Variants in TMEM87B observed in about 807,000 individuals in gnomAD.
TMEM87B encodes transmembrane protein 87B.
In TMEM87B, 83 loss-of-function variants were observed where a neutral mutation model predicts 80.3. The observed-to-expected ratio is 1.03, with a 90% CI of 0.87 to 1.24. TMEM87B has a LOEUF of 1.24. Ranked by LOEUF, TMEM87B falls within the 50% of genes most tolerant of loss-of-function variation. The pLI, the probability that TMEM87B is intolerant of heterozygous loss-of-function variation, is 0.00. For missense variants in TMEM87B, 625 were observed against 674.4 expected (o/e 0.93, Z 0.81); for synonymous variants, 219 against 230.5 (o/e 0.95, Z 0.45).
chr2:112,082,510 A>C (rs964875644), intron 8 of TMEM87B, among the ~76,000 whole-genome samples: 1 of 152,192 alleles, frequency 6.6e-6, no homozygotes, highest in Non-Finnish European at 1.5e-5. Flanking sequence ...GCACAAGGGA[A>C]ATCATTATAT....
At chr2:112,113,218 T>C (rs930812672) in intron 18 of TMEM87B, among the ~76,000 whole-genome samples, 41 of 152,264 alleles carry the variant, frequency 2.7e-4, no homozygotes, top group African/African-American at 7.7e-4. Flanking sequence ...TAATCTCTGA[T>C]ACTTGTAGAC....
chr2:112,072,895 CTTTTTT>C (rs71226782), intron 4 of TMEM87B, among the ~76,000 whole-genome samples: 3 of 83,014 alleles, frequency 3.6e-5, no homozygotes, highest in Non-Finnish European at 7.0e-5. Flanking sequence ...AACTCTTCTT[CTTTTTT>C]TTTTTTTTTT....
intron 6 of TMEM87B, among the ~76,000 whole-genome samples, chr2:112,078,480 G>A (rs1678887416): frequency 6.6e-6 from 1 of 152,154 alleles, no homozygotes; most frequent in Non-Finnish European, 1.5e-5. Flanking sequence ...TTCCCTCCAG[G>A]CCTTTTGTAA....
chr2:112,081,594 C>T, intron 8 of TMEM87B, 76 bp downstream of exon 8: 1 of 1,334,596 alleles, frequency 7.5e-7, no homozygotes, highest in Non-Finnish European at 1.0e-6. Context: ...CAGTGGGAGG[C>T]CCCCTTCTGA....
At chr2:112,088,046 C>T (rs1679198993) in intron 9 of TMEM87B, among the ~76,000 whole-genome samples, 1 of 152,222 alleles carries the variant, frequency 6.6e-6, no homozygotes. Context: ...AGGCTCAGGC[C>T]TCTGCTCTGT....
chr2:112,088,696 A>AACC (rs1679216186), intron 9 of TMEM87B, among the ~76,000 whole-genome samples: 1 of 152,160 alleles, frequency 6.6e-6, no homozygotes, highest in Non-Finnish European at 1.5e-5. Context: ...TAATTGCAAA[A>AACC]ACCACCATCT....
At chr2:112,083,646 G>A (rs1679063961) in intron 8 of TMEM87B, among the ~76,000 whole-genome samples, 1 of 152,214 alleles carries the variant, frequency 6.6e-6, no homozygotes, top group East Asian at 1.9e-4. Context: ...CCTAGGAAGT[G>A]GGGCTGTGTA....
At chr2:112,095,136 C>G in intron 11 of TMEM87B, 6 of 874,140 alleles carry the variant, frequency 6.9e-6, no homozygotes, top group African/African-American at 2.6e-5. Context: ...TCTTGTTTCT[C>G]TTTCGTTTCT....
intron 17 of TMEM87B, 29 bp from the exon 18 acceptor site, chr2:112,112,870 T>C: frequency 6.2e-7 from 1 of 1,609,814 alleles, no homozygotes; most frequent in Non-Finnish European, 8.5e-7. Flanking sequence ...GTTAACAACA[T>C]TATCACCTTT....
chr2:112,109,481 T>A (rs1679853572), intron 17 of TMEM87B, among the ~76,000 whole-genome samples: 1 of 152,136 alleles, frequency 6.6e-6, no homozygotes, highest in Non-Finnish European at 1.5e-5. Context: ...TGATTGACTT[T>A]TGTTTGAGCA....
chr2:112,087,272 G>C (rs566610547), intron 9 of TMEM87B, among the ~76,000 whole-genome samples: 1 of 152,148 alleles, frequency 6.6e-6, no homozygotes, highest in South Asian at 2.1e-4. Context: ...AAGAGCCCTG[G>C]ACCACACTGA....
intron 9 of TMEM87B, among the ~76,000 whole-genome samples, chr2:112,087,864 C>T (rs1679193503): frequency 6.6e-6 from 1 of 152,208 alleles, no homozygotes; most frequent in African/African-American, 2.4e-5. Flanking sequence ...CCTGCCATAT[C>T]ACATGGCCCT....
intron 3 of TMEM87B, among the ~76,000 whole-genome samples, chr2:112,065,276 T>G (rs546835079): frequency 1.6e-4 from 24 of 152,198 alleles, no homozygotes; most frequent in African/African-American, 5.8e-4. Context: ...AACAGAGATA[T>G]TCATTTATTT....
At chr2:112,080,938 A>C (rs985980905) in intron 6 of TMEM87B, 119 bp from the exon 7 acceptor site, 1 of 804,056 alleles carries the variant, frequency 1.2e-6, no homozygotes, top group Non-Finnish European at 2.1e-6. Flanking sequence ...TGTATGTGCT[A>C]CATACAAATT....
rs777846848 is a variant in TMEM87B at position 112,091,688 on chromosome 2, TCTTCC to T, written c.1033-20_1033-16del. The T allele has an allele frequency of 1.9e-6, 3 of 1,552,650 alleles. No individual in the cohort carries two copies. Among genetic ancestry groups the T allele is most frequent in the African/African-American group, 2.7e-5 (2 of 73,462 alleles). On this transcript the variant is annotated intron_variant, in intron 10 of 18. Transcript: ENST00000283206. ...GCAATGAAAGTGTTACATTCAGGTT[TCTTCC>T]CTTATTTTTATCTTTCAGGGTTCTA...
intron 11 of TMEM87B, among the ~76,000 whole-genome samples, chr2:112,094,554 A>G (rs1332094341): frequency 1.3e-5 from 2 of 152,210 alleles, no homozygotes; most frequent in African/African-American, 2.4e-5. Context: ...AGCAGCTCTG[A>G]TGGCTCTAAT....
chr2:112,060,782 C>T (rs1216274090), intron 2 of TMEM87B, among the ~76,000 whole-genome samples: 3 of 152,114 alleles, frequency 2.0e-5, no homozygotes, highest in Non-Finnish European at 4.4e-5. Context: ...GGTGATCCAC[C>T]CACCTCAGCC....
At chr2:112,103,704 T>A (rs1318236671) in intron 15 of TMEM87B, among the ~76,000 whole-genome samples, 2 of 152,024 alleles carry the variant, frequency 1.3e-5, no homozygotes, top group Non-Finnish European at 2.9e-5. Context: ...CTTTGTGGGG[T>A]GATGAAAATT....
chr2:112,081,793 TA>T (rs1679005983), intron 8 of TMEM87B, among the ~76,000 whole-genome samples: 1 of 152,190 alleles, frequency 6.6e-6, no homozygotes, highest in South Asian at 2.1e-4. Flanking sequence ...CAGCTTGGAT[TA>T]AAACAGCACA....
Sources: allele counts gnomAD v4.1 joint callset (sites outside exome capture counted in the v4.1 genomes callset), GRCh38; gene constraint gnomAD v4.1.1; transcripts MANE v1.5; gene names NCBI Gene and HGNC (gene_info 2026-07-23, HGNC 2026-07-21).